Variants in IMPG1 observed in about 807,000 individuals in gnomAD.
IMPG1 encodes the protein interphotoreceptor matrix proteoglycan 1.
IMPG1 carries 85 observed loss-of-function variants against 92.0 expected under a neutral mutation model. The ratio of observed to expected loss-of-function variants is 0.92; its 90% CI spans 0.78 to 1.11. The LOEUF (loss-of-function observed/expected upper bound fraction) is 1.11. IMPG1 is among the 50% of genes least tolerant of loss of function. IMPG1 has a pLI of 0.00. For missense variants in IMPG1, 1,022 were observed against 956.0 expected (o/e 1.07, Z -0.91); for synonymous variants, 367 against 334.1 (o/e 1.10, Z -1.08).
At chr6:76,006,424 T>C (rs1372246560) in intron 9 of IMPG1, among the ~76,000 whole-genome samples, 1 of 147,438 alleles carries the variant, frequency 6.8e-6, no homozygotes, top group African/African-American at 2.5e-5. Context: ...AAAGTCCAAA[T>C]TACCCATCCA....
rs781426156 is a variant in IMPG1, at chr6:75,922,104, A to G, written c.2379T>C (p.Asp793=). The change falls in exon 17 of 17, where the codon GAT becomes GAC. Residue 793 remains aspartate (D), a synonymous_variant. Coordinates refer to ENST00000369950, the MANE Select transcript of IMPG1 (RefSeq NM_001563.4). ...TTTTCAGTTTTTAATTTCCTTCCCA[A>G]TCTTGATGGTTAAATTCTTCATATT... The part of the protein sequence containing the change: ...TVEYEEFNHQ[D]WEGN 5.9e-6 allele frequency: 8 copies of G among 1,347,640 alleles called. No homozygotes were observed. Among genetic ancestry groups the G allele is most frequent in the East Asian group, 4.7e-5 (2 of 42,700 alleles). The allele number at this position is 1,347,640 out of a possible 1,614,324, so 83.5% of individuals were successfully genotyped here. A position where few individuals can be genotyped will look rare whatever the true frequency, so the allele number is the denominator to read the frequency against.
At chr6:75,952,910 C>T (rs928424930) in intron 12 of IMPG1, among the ~76,000 whole-genome samples, 17 of 152,112 alleles carry the variant, frequency 1.1e-4, no homozygotes, top group African/African-American at 3.9e-4. Flanking sequence ...TCATGAGAAC[C>T]GTGAGAAATA....
At chr6:75,984,389 A>G (rs1782680837) in intron 12 of IMPG1, among the ~76,000 whole-genome samples, 1 of 152,248 alleles carries the variant, frequency 6.6e-6, no homozygotes, top group African/African-American at 2.4e-5. Context: ...GTCTTAAAAA[A>G]GAAGAAAATG....
At chr6:75,931,425 C>T (rs1781667889) in intron 14 of IMPG1, among the ~76,000 whole-genome samples, 1 of 152,168 alleles carries the variant, frequency 6.6e-6, no homozygotes, top group Admixed American at 6.5e-5. Context: ...AAAACAGATT[C>T]CTGAGCCCCA....
rs2149446195 is a variant in IMPG1, at chr6:75,921,477, A to C, written c.*612T>G. 1 of 152,774 alleles carries C rather than the reference A, an allele frequency of 6.5e-6. No individual in the cohort carries two copies. Among genetic ancestry groups the C allele is most frequent in the Non-Finnish European group, 1.5e-5 (1 of 68,034 alleles). The allele number at this position is 152,774 out of a possible 1,614,324, so 9.5% of individuals were successfully genotyped here. A position where few individuals can be genotyped will look rare whatever the true frequency, so the allele number is the denominator to read the frequency against. ...ATCTGAACCTCAGTTTCTTTTAAAG[A>C]ACAATTCAAAGATTATTGGCAACAA... On this transcript the variant is annotated 3_prime_UTR_variant, in exon 17 of 17. Transcript: ENST00000369950.
intron 9 of IMPG1, among the ~76,000 whole-genome samples, chr6:76,006,976 T>C (rs1357401736): frequency 6.6e-6 from 1 of 152,168 alleles, no homozygotes; most frequent in Admixed American, 6.6e-5. Flanking sequence ...TATCGTTTGT[T>C]ATTTCACTAG....
At chr6:75,970,544 A>C (rs1782394449) in intron 12 of IMPG1, among the ~76,000 whole-genome samples, 1 of 152,244 alleles carries the variant, frequency 6.6e-6, no homozygotes, top group East Asian at 1.9e-4. Context: ...AAACATAATC[A>C]CTAATTGCTT....
intron 6 of IMPG1, among the ~76,000 whole-genome samples, chr6:76,020,604 G>T (rs1008223609): frequency 2.6e-5 from 4 of 152,144 alleles, no homozygotes; most frequent in African/African-American, 9.7e-5. Flanking sequence ...GGTAGTGGCA[G>T]TGTGAGATGC....
At chr6:76,024,892 A>C (rs2149484645) in intron 5 of IMPG1, 1 of 446,076 alleles carries the variant, frequency 2.2e-6, no homozygotes, top group Admixed American at 3.0e-5. Flanking sequence ...CTAAGTAAAT[A>C]TGGTCTCAGT....
intron 12 of IMPG1, among the ~76,000 whole-genome samples, chr6:75,984,214 G>A (rs997296038): frequency 3.3e-5 from 5 of 152,168 alleles, no homozygotes; most frequent in Non-Finnish European, 7.3e-5. Context: ...TCCCACTAGT[G>A]GGTATATATA....
At chr6:76,019,064 A>G (rs1240633071) in intron 6 of IMPG1, among the ~76,000 whole-genome samples, 2 of 152,206 alleles carry the variant, frequency 1.3e-5, no homozygotes, top group Non-Finnish European at 2.9e-5. Context: ...CATTGAAACT[A>G]GTTAGAAAAT....
chr6:76,063,368 G>T (rs186967721), intron 1 of IMPG1, among the ~76,000 whole-genome samples: 1 of 152,270 alleles, frequency 6.6e-6, no homozygotes, highest in East Asian at 1.9e-4. Context: ...CTAGGGCACA[G>T]GAAAAGAAGG....
intron 1 of IMPG1, among the ~76,000 whole-genome samples, chr6:76,069,978 T>G (rs1056758111): frequency 1.3e-5 from 2 of 152,266 alleles, no homozygotes; most frequent in Non-Finnish European, 1.5e-5. Context: ...TTGGGACTAC[T>G]AGAGGGAAGA....
At chr6:76,041,260 A>T (rs561844381) in intron 2 of IMPG1, among the ~76,000 whole-genome samples, 4 of 152,370 alleles carry the variant, frequency 2.6e-5, no homozygotes, top group African/African-American at 9.6e-5. Context: ...CAATGCCATC[A>T]GAATCCTGTG....
At chr6:76,018,884 C>T in intron 6 of IMPG1, 26 bp from the exon 7 acceptor site, 1 of 1,512,350 alleles carries the variant, frequency 6.6e-7, no homozygotes, top group South Asian at 1.2e-5. Flanking sequence ...AAAAAAAGGA[C>T]TTCTGTTAAC....
intron 14 of IMPG1, among the ~76,000 whole-genome samples, chr6:75,941,153 T>C (rs1382578468): frequency 6.6e-6 from 1 of 152,186 alleles, no homozygotes; most frequent in Non-Finnish European, 1.5e-5. Flanking sequence ...GTGGCTATCA[T>C]AGTGTCTGAC....
chr6:75,945,358 C>CTTTTTTTTTTTTTT (rs71678760), intron 14 of IMPG1, among the ~76,000 whole-genome samples: 2 of 122,796 alleles, frequency 1.6e-5, no homozygotes, highest in East Asian at 2.5e-4. Flanking sequence ...TTTTTTTTTT[C>CTTTTTTTTTTTTTT]TTTTTTTTTT....
chr6:76,025,857 A>T (rs1297838667), intron 4 of IMPG1, among the ~76,000 whole-genome samples: 2 of 152,144 alleles, frequency 1.3e-5, no homozygotes, highest in African/African-American at 4.8e-5. Context: ...AGATTCTAGG[A>T]GCAGATCCAA....
intron 1 of IMPG1, among the ~76,000 whole-genome samples, chr6:76,068,032 A>T (rs1784341635): frequency 6.6e-6 from 1 of 152,140 alleles, no homozygotes; most frequent in Non-Finnish European, 1.5e-5. Context: ...TAGAAGGAAC[A>T]TACCTCAAAA....
Sources: allele counts gnomAD v4.1 joint callset (sites outside exome capture counted in the v4.1 genomes callset), GRCh38; gene constraint gnomAD v4.1.1; transcripts MANE v1.5; gene names NCBI Gene and HGNC (gene_info 2026-07-23, HGNC 2026-07-21).